TLN2: variants seen among roughly 807,000 people sequenced by gnomAD.
TLN2 encodes the protein talin-2.
TLN2 carries 118 observed loss-of-function variants against 294.7 expected under a neutral mutation model. That is an observed-to-expected ratio of 0.40 (90% CI 0.34 to 0.47). The LOEUF is 0.47. Among genes scored for constraint, TLN2 ranks in the 20% least tolerant of loss-of-function variants. The pLI, the probability that TLN2 is intolerant of heterozygous loss-of-function variation, is 0.84. For synonymous variants in TLN2, 1,431 were observed against 1,304.5 expected (o/e 1.10, Z -2.09); for missense variants, 3,083 against 3,282.2 (o/e 0.94, Z 1.48).
Position 62,697,746 on chromosome 15 carries a change from G to A in TLN2, c.1351G>A (p.Ala451Thr). The A allele has an allele frequency of 6.2e-7, 1 of 1,611,878 alleles. No individual in the cohort carries two copies. Among genetic ancestry groups the A allele is most frequent in the East Asian group, 2.2e-5 (1 of 44,796 alleles). ...RTGKAEHGSV[A>T]LPAVMRSGSS... ...CGGGAAGGCAGAGCACGGCTCAGTG[G>A]CGCTGCCGGCCGTGATGCGCTCGGG... The change falls in exon 15 of 59, where the codon GCG becomes ACG. Residue 451 changes from alanine to threonine, a missense_variant. Transcript: ENST00000636159.
chr15:62,763,530 G>C, intron 39 of TLN2, 33 bp from the exon 40 acceptor site: 2 of 1,579,646 alleles, frequency 1.3e-6, no homozygotes, highest in Non-Finnish European at 1.7e-6. Flanking sequence ...GAGCCCCATG[G>C]AGCCTGTGTC....
intron 9 of TLN2, among the ~76,000 whole-genome samples, chr15:62,666,805 T>G (rs1316006659): frequency 5.9e-5 from 9 of 152,188 alleles, no homozygotes; most frequent in South Asian, 2.1e-4. Flanking sequence ...CAAATCCAAG[T>G]GTGTTTGAAT....
In TLN2 at chr15:62,525,468, C is replaced by G. The variant is rs182249005; in HGVS notation, c.-237-64219C>G. 2.1e-3 allele frequency among the ~76,000 whole-genome samples: 326 copies of G among 152,324 alleles called. 3 individuals are homozygous for G. The highest frequency in any genetic ancestry group is 1.3e-3 in the Non-Finnish European group (90 of 68,034). On this transcript the variant is annotated intron_variant, in intron 1 of 58. Coordinates refer to ENST00000636159, the MANE Select transcript of TLN2 (RefSeq NM_015059.3). ...CATTCACTCCTCCCCTGGGGACAAC[C>G]ATACCCCACCTTCTCTAATCATATT...
chr15:62,641,547 C>T (rs897747883), intron 3 of TLN2, among the ~76,000 whole-genome samples: 4 of 151,964 alleles, frequency 2.6e-5, no homozygotes, highest in Admixed American at 6.6e-5. Context: ...ACCGGCTACT[C>T]GGGAGGCAGA....
intron 1 of TLN2, among the ~76,000 whole-genome samples, chr15:62,562,225 AT>A (rs1160980141): frequency 6.6e-6 from 1 of 152,108 alleles, no homozygotes; most frequent in Non-Finnish European, 1.5e-5. Context: ...AGTATTAAAG[AT>A]TTTTTATACC....
intron 54 of TLN2, chr15:62,823,936 G>A (rs781447478): frequency 1.9e-6 from 1 of 526,806 alleles, no homozygotes; most frequent in Non-Finnish European, 3.9e-6. Context: ...CTCGAGCTCA[G>A]TCAAACCTGG....
rs900930057 is a variant in TLN2, at chr15:62,739,366, C to A, written c.3706C>A (p.Pro1236Thr). ...LVDSLPPSTK[P>T]FQEAQSELNQ... is the part of the protein sequence containing the mutation. ...CCCACAGCTACCTCCAAGCACGAAG[C>A]CTTTCCAGGAAGCCCAGAGTGAACT... The change falls in exon 31 of 59, where the codon CCT becomes ACT. Residue 1236 changes from proline to threonine, a missense_variant. Pro to Thr is a conservative substitution (Grantham distance 38). Transcript: ENST00000636159. 1 of 1,613,730 alleles carries A rather than the reference C, an allele frequency of 6.2e-7. No homozygotes were observed. Among genetic ancestry groups the A allele is most frequent in the Non-Finnish European group, 8.5e-7 (1 of 1,179,814 alleles).
At chr15:62,560,430 A>G (rs2042860113) in intron 1 of TLN2, among the ~76,000 whole-genome samples, 1 of 152,080 alleles carries the variant, frequency 6.6e-6, no homozygotes, top group Non-Finnish European at 1.5e-5. Flanking sequence ...CTAGAAGTAG[A>G]TGGAGCCACC....
chr15:62,732,556 A>G lies in TLN2; in HGVS notation c.3359-4322A>G, dbSNP rs143505581. 9.2e-5 allele frequency among the ~76,000 whole-genome samples: 14 copies of G among 152,368 alleles called. 1 individual carries two copies. The East Asian group carries it at 2.7e-3, about 29-fold the overall frequency. ...TACTTTAATTGAAGAATATGTGAACATGTTTTTCATCTGTGGACACAGTTC... is the reference window on the plus strand; with the variant it reads ...TACTTTAATTGAAGAATATGTGAACGTGTTTTTCATCTGTGGACACAGTTC... On this transcript the variant is annotated intron_variant, in intron 28 of 58. Coordinates refer to ENST00000636159, the MANE Select transcript of TLN2 (RefSeq NM_015059.3).
At chr15:62,508,866 A>G (rs1344161285) in intron 1 of TLN2, among the ~76,000 whole-genome samples, 1 of 152,194 alleles carries the variant, frequency 6.6e-6, no homozygotes, top group Non-Finnish European at 1.5e-5. Flanking sequence ...CCTTTTGTGA[A>G]TAGAATAATA....
rs1410565416 is a variant in TLN2, at chr15:62,683,476, ATTGGTAGAATGCCTGCATTCTCCCG to A, written c.958-3164_958-3140del. Among the ~76,000 whole-genome samples the A allele has an allele frequency of 7.0e-3, 989 of 140,404 alleles. 6 individuals carry two copies. Among genetic ancestry groups the A allele is most frequent in the African/African-American group, 0.024 (926 of 38,500 alleles). The allele number at this position is 140,404 out of a possible 152,430, so 92.1% of individuals were successfully genotyped here. ...GAATGCCTGCATTCTCCCGCCTCTC[ATTGGTAGAATGCCTGCATTCTCCCG>A]CCTCTCATTGGTAGAATGCCTGCAT... On this transcript the variant is annotated intron_variant, in intron 11 of 58. Transcript: ENST00000636159.
At chr15:62,525,876 AGTCT>A (rs2040709092) in intron 1 of TLN2, among the ~76,000 whole-genome samples, 1 of 152,164 alleles carries the variant, frequency 6.6e-6, no homozygotes, top group African/African-American at 2.4e-5. Context: ...GAATTCTGGC[AGTCT>A]GTCAGAGCTC....
chr15:62,766,492 A>T, intron 41 of TLN2, 70 bp downstream of exon 41: 2 of 1,431,654 alleles, frequency 1.4e-6, no homozygotes, highest in South Asian at 2.5e-5. Context: ...TATTGACTTT[A>T]CTGTTATCAT....
intron 42 of TLN2, among the ~76,000 whole-genome samples, chr15:62,771,963 T>C (rs1485257299): frequency 6.6e-6 from 1 of 152,212 alleles, no homozygotes; most frequent in Non-Finnish European, 1.5e-5. Flanking sequence ...ACTTTCCTTT[T>C]CTTTTCTTTT....
chr15:62,812,651 G>A (rs1007003073), intron 52 of TLN2, among the ~76,000 whole-genome samples: 1 of 152,176 alleles, frequency 6.6e-6, no homozygotes, highest in Non-Finnish European at 1.5e-5. Context: ...ACTGCATGCC[G>A]ACTCTAAACC....
Position 62,825,801 on chromosome 15 carries a change from T to A in TLN2, c.7002+5191T>A, listed in dbSNP as rs374831011. Among the ~76,000 whole-genome samples, 98 of 10,824 alleles carry A rather than the reference T, an allele frequency of 9.1e-3. 3 individuals carry two copies. The highest frequency in any genetic ancestry group is 0.061 in the South Asian group (30 of 492). 7.1% of individuals were successfully genotyped at this position (10,824 alleles called of 152,430 possible). A position where few individuals can be genotyped will look rare whatever the true frequency, so the allele number is the denominator to read the frequency against. ...AATATATTATATATTATAATATATA[T>A]TATATATTATATTATAATATATATT... On this transcript the variant is annotated intron_variant, in intron 54 of 58. Coordinates refer to ENST00000636159, the MANE Select transcript of TLN2 (RefSeq NM_015059.3).
intron 54 of TLN2, among the ~76,000 whole-genome samples, chr15:62,822,609 G>T (rs1439371489): frequency 1.3e-5 from 2 of 152,162 alleles, no homozygotes; most frequent in Admixed American, 1.3e-4. Context: ...GTCCATACCA[G>T]CCCCTGTTTC....
At chr15:62,670,555 CT>C (rs1009089093) in intron 9 of TLN2, among the ~76,000 whole-genome samples, 3 of 152,170 alleles carry the variant, frequency 2.0e-5, no homozygotes, top group Non-Finnish European at 4.4e-5. Flanking sequence ...TGGAATCTCT[CT>C]TTTTTTCTTA....
Position 62,762,468 on chromosome 15 carries a change from C to T in TLN2, c.4961+15C>T, listed in dbSNP as rs377672709. 5.0e-6 allele frequency: 8 copies of T among 1,610,838 alleles called. No individual in the cohort carries two copies. Among genetic ancestry groups the T allele is most frequent in the Admixed American group, 1.7e-5 (1 of 59,966 alleles). The stretch of plus-strand genomic sequence containing the variant: ...ACTTCTATCAGGTCAGTTTCCCATC[C>T]GGAGGTTGCTGCCAGCCTGCATCTC... On this transcript the variant is annotated intron_variant, in intron 39 of 58. Transcript: ENST00000636159.
Sources: allele counts gnomAD v4.1 joint callset (sites outside exome capture counted in the v4.1 genomes callset), GRCh38; gene constraint gnomAD v4.1.1; transcripts MANE v1.5; gene names NCBI Gene and HGNC (gene_info 2026-07-23, HGNC 2026-07-21).